The following CSMD1 variants were observed in gnomAD, a reference collection of about 807,000 sequenced individuals.
The protein encoded by CSMD1 is CUB and sushi domain-containing protein 1.
Under a neutral mutation model 417.5 loss-of-function variants are expected in CSMD1, and 213 were observed. The ratio of observed to expected loss-of-function variants is 0.51; its 90% CI spans 0.46 to 0.57. The LOEUF is 0.57. Ranked by LOEUF, CSMD1 falls within the 20% of genes least tolerant of loss-of-function variation. The probability of loss-of-function intolerance (pLI) is 0.00; values close to 1 mark genes in which losing one functional copy is unlikely to be tolerated. For missense variants in CSMD1, 6,923 were observed against 4,529.7 expected (o/e 1.53, Z -15.17); for synonymous variants, 2,862 against 1,736.8 (o/e 1.65, Z -16.11).
intron 6 of CSMD1, among the ~76,000 whole-genome samples, chr8:3,738,982 T>G (rs1006618966): frequency 3.3e-5 from 5 of 152,246 alleles, no homozygotes; most frequent in African/African-American, 1.2e-4. Flanking sequence ...ACTTTAGACA[T>G]GATCTATTCA....
intron 3 of CSMD1, among the ~76,000 whole-genome samples, chr8:4,164,519 G>A (rs1447205641): frequency 1.3e-5 from 2 of 152,066 alleles, no homozygotes; most frequent in East Asian, 3.9e-4. Context: ...AATGTCCCCA[G>A]GCGTAAATCT....
intron 7 of CSMD1, among the ~76,000 whole-genome samples, chr8:3,707,194 T>C (rs1585108634): frequency 6.6e-6 from 1 of 152,198 alleles, no homozygotes. Flanking sequence ...TGTAGGTCAA[T>C]CTATAGTATC....
At chr8:3,904,641 T>C (rs1271664466) in intron 5 of CSMD1, among the ~76,000 whole-genome samples, 2 of 142,820 alleles carry the variant, frequency 1.4e-5, no homozygotes, top group African/African-American at 2.7e-5. Context: ...TTTTCTTTCT[T>C]TTTTTTTTTT....
At chr8:4,712,234 G>A (rs572448776) in intron 1 of CSMD1, among the ~76,000 whole-genome samples, 1 of 152,174 alleles carries the variant, frequency 6.6e-6, no homozygotes, top group Non-Finnish European at 1.5e-5. Flanking sequence ...GATCCTCAGT[G>A]CAAATAGCAT....
In CSMD1 at chr8:4,500,669, T is replaced by C. The variant is rs577605821; in HGVS notation, c.303-80604A>G. On this transcript the variant is annotated intron_variant, in intron 2 of 69. Coordinates refer to ENST00000635120, the MANE Select transcript of CSMD1 (RefSeq NM_033225.6). ...GAGAGGTGTTAGTAAATGTTCTAGC[T>C]CTGGACACTGTGGGAGTGGTGGAGG... is the stretch of plus-strand genomic sequence containing the variant. 8.5e-5 allele frequency among the ~76,000 whole-genome samples: 13 copies of C among 152,260 alleles called. No individual in the cohort carries two copies. The South Asian group carries it at 2.7e-3, about 32-fold the overall frequency.
intron 10 of CSMD1, among the ~76,000 whole-genome samples, chr8:3,535,306 C>T (rs140663833): frequency 3.9e-5 from 6 of 152,090 alleles, no homozygotes; most frequent in Non-Finnish European, 7.4e-5. Flanking sequence ...AGCTTTTGGC[C>T]GTACTTTCTA....
At chr8:4,423,339 G>C (rs755836374) in intron 2 of CSMD1, among the ~76,000 whole-genome samples, 1 of 152,060 alleles carries the variant, frequency 6.6e-6, no homozygotes, top group African/African-American at 2.4e-5. Context: ...AATTTGTAGA[G>C]CTAATACTTG....
intron 10 of CSMD1, among the ~76,000 whole-genome samples, chr8:3,503,189 C>T (rs1796679893): frequency 6.6e-6 from 1 of 152,202 alleles, no homozygotes; most frequent in Non-Finnish European, 1.5e-5. Context: ...TTTGAACACA[C>T]ACACCCACAC....
intron 3 of CSMD1, among the ~76,000 whole-genome samples, chr8:4,260,838 C>A (rs1452878298): frequency 6.6e-6 from 1 of 152,102 alleles, no homozygotes; most frequent in East Asian, 1.9e-4. Flanking sequence ...CTCTTTGTCT[C>A]CAATAATTGT....
intron 3 of CSMD1, among the ~76,000 whole-genome samples, chr8:4,390,497 T>TTTTTTTTTTTTTTTATTTATTTA (rs58291340): frequency 1.4e-5 from 2 of 140,324 alleles, no homozygotes; most frequent in Non-Finnish European, 3.1e-5. Context: ...AAGCGTCCAT[T>TTTTTTTTTTTTTTTATTTATTTA]TTTATTTATT....
At chr8:4,386,771 G>C (rs980091657) in intron 3 of CSMD1, among the ~76,000 whole-genome samples, 2 of 152,136 alleles carry the variant, frequency 1.3e-5, no homozygotes, top group South Asian at 2.1e-4. Flanking sequence ...AGAAACAGTT[G>C]GTTTCAGTTG....
chr8:3,528,443 C>A (rs1386395657), intron 10 of CSMD1, among the ~76,000 whole-genome samples: 2 of 152,190 alleles, frequency 1.3e-5, no homozygotes, highest in African/African-American at 4.8e-5. Context: ...CTAGCCATGC[C>A]TGCTTCTATG....
At chr8:4,055,642 C>A (rs1798652648) in intron 3 of CSMD1, among the ~76,000 whole-genome samples, 1 of 151,848 alleles carries the variant, frequency 6.6e-6, no homozygotes, top group Admixed American at 6.6e-5. Context: ...AATATTAAAA[C>A]AGAAACTGTT....
At chr8:4,443,433 C>T (rs1798599327) in intron 2 of CSMD1, among the ~76,000 whole-genome samples, 1 of 152,148 alleles carries the variant, frequency 6.6e-6, no homozygotes, top group African/African-American at 2.4e-5. Flanking sequence ...ATTCATTATT[C>T]AACAACACTG....
chr8:4,572,950 G>A (rs2616981), intron 2 of CSMD1, among the ~76,000 whole-genome samples: 61,425 of 151,922 alleles, frequency 0.4, 13,100 homozygotes, highest in East Asian at 0.54. Context: ...TCCTTGTGCC[G>A]TGTTTTTCAG....
At chr8:4,244,991 C>A (rs916199935) in intron 3 of CSMD1, among the ~76,000 whole-genome samples, 6 of 152,076 alleles carry the variant, frequency 3.9e-5, no homozygotes, top group Admixed American at 3.3e-4. Flanking sequence ...GGAAGTAAAT[C>A]GACAAACATC....
At chr8:3,858,233 T>C (rs1301857703) in intron 5 of CSMD1, among the ~76,000 whole-genome samples, 3 of 152,226 alleles carry the variant, frequency 2.0e-5, no homozygotes, top group African/African-American at 7.2e-5. Context: ...AAAAGTTATA[T>C]AATATTTTGC....
At chr8:3,772,915 C>G (rs535986136) in intron 5 of CSMD1, among the ~76,000 whole-genome samples, 1 of 151,992 alleles carries the variant, frequency 6.6e-6, no homozygotes, top group Non-Finnish European at 1.5e-5. Context: ...TGATAAAAGA[C>G]ATGTTTATGG....
chr8:4,684,605 C>T (rs1226207296), intron 1 of CSMD1, among the ~76,000 whole-genome samples: 1 of 152,054 alleles, frequency 6.6e-6, no homozygotes, highest in African/African-American at 2.4e-5. Flanking sequence ...CTGTCTGAAC[C>T]CTCTTTTGAA....
Sources: gnomAD v4.1 joint callset for allele counts (sites outside exome capture counted in the v4.1 genomes callset) on GRCh38, gnomAD v4.1.1 for gene constraint, MANE v1.5 for transcripts, NCBI Gene and HGNC (gene_info 2026-07-23, HGNC 2026-07-21) for gene names.